Variants in ANKS1B observed in about 807,000 individuals in gnomAD.
The protein encoded by ANKS1B is ankyrin repeat and sterile alpha motif domain containing 1B.
In ANKS1B, 36 loss-of-function variants were observed where a neutral mutation model predicts 148.3. That is an observed-to-expected ratio of 0.24 (90% CI 0.19 to 0.32). The LOEUF (loss-of-function observed/expected upper bound fraction) is 0.32, where lower values mean the gene tolerates loss of function less well. Ranked by LOEUF, ANKS1B falls within the 10% of genes least tolerant of loss-of-function variation. ANKS1B has a pLI of 1.00. For missense variants in ANKS1B, 1,157 were observed against 1,542.6 expected (o/e 0.75, Z 4.19); for synonymous variants, 542 against 560.8 (o/e 0.97, Z 0.47).
At chr12:99,359,917 G>C (rs2092341216) in intron 12 of ANKS1B, among the ~76,000 whole-genome samples, 1 of 151,932 alleles carries the variant, frequency 6.6e-6, no homozygotes, top group Non-Finnish European at 1.5e-5. Flanking sequence ...CCATGGTTTT[G>C]GTAAAGTGTT....
intron 8 of ANKS1B, among the ~76,000 whole-genome samples, chr12:99,717,092 ACT>A (rs942580436): frequency 6.6e-6 from 1 of 151,946 alleles, no homozygotes; most frequent in Non-Finnish European, 1.5e-5. Context: ...AAATATAAAA[ACT>A]CAGCCCAGTT....
intron 1 of ANKS1B, among the ~76,000 whole-genome samples, chr12:99,881,255 T>C (rs757622748): frequency 6.6e-6 from 1 of 152,154 alleles, no homozygotes; most frequent in African/African-American, 2.4e-5. Flanking sequence ...ATTCCAGGTT[T>C]TTCTCTTATA....
chr12:98,797,847 C>T (rs991701540), intron 22 of ANKS1B, among the ~76,000 whole-genome samples: 1 of 152,084 alleles, frequency 6.6e-6, no homozygotes, highest in African/African-American at 2.4e-5. Context: ...AAATAAACAA[C>T]AAGGTATATT....
intron 8 of ANKS1B, among the ~76,000 whole-genome samples, chr12:99,727,127 A>C (rs950579491): frequency 1.3e-5 from 2 of 152,194 alleles, no homozygotes; most frequent in African/African-American, 4.8e-5. Flanking sequence ...ATAATATTGG[A>C]AATTCTGGCC....
At chr12:98,900,038 G>A (rs1205998081) in intron 17 of ANKS1B, among the ~76,000 whole-genome samples, 1 of 152,158 alleles carries the variant, frequency 6.6e-6, no homozygotes, top group Non-Finnish European at 1.5e-5. Flanking sequence ...AGCTATGTAG[G>A]GGAATTATGC....
chr12:99,169,778 A>T (rs1404745414), intron 14 of ANKS1B, among the ~76,000 whole-genome samples: 1 of 152,146 alleles, frequency 6.6e-6, no homozygotes. Context: ...TTTTATAGGG[A>T]ATGAAAATAA....
intron 17 of ANKS1B, among the ~76,000 whole-genome samples, chr12:98,847,714 G>A (rs759288721): frequency 4.6e-5 from 7 of 152,146 alleles, no homozygotes; most frequent in Non-Finnish European, 7.4e-5. Context: ...TCCTGCTTCA[G>A]CCTTCTGAGC....
At chr12:99,723,000 CCA>C (rs1303502740) in intron 8 of ANKS1B, among the ~76,000 whole-genome samples, 1 of 152,192 alleles carries the variant, frequency 6.6e-6, no homozygotes, top group East Asian at 1.9e-4. Context: ...CATGCTTTTT[CCA>C]CAGACTGTGC....
At chr12:99,631,411 A>G (rs1051433092) in intron 9 of ANKS1B, among the ~76,000 whole-genome samples, 1 of 152,152 alleles carries the variant, frequency 6.6e-6, no homozygotes, top group East Asian at 1.9e-4. Context: ...AAGAATTTGG[A>G]GGAGCAGGCT....
At chr12:99,789,421 C>A (rs909537717) in intron 4 of ANKS1B, among the ~76,000 whole-genome samples, 2 of 152,000 alleles carry the variant, frequency 1.3e-5, no homozygotes, top group Non-Finnish European at 2.9e-5. Flanking sequence ...AACATCAAGA[C>A]CATCCAAGAA....
chr12:99,493,076 C>T (rs768301335), intron 10 of ANKS1B, among the ~76,000 whole-genome samples: 3 of 152,132 alleles, frequency 2.0e-5, no homozygotes, highest in Non-Finnish European at 2.9e-5. Flanking sequence ...GGCATCCAAA[C>T]AGAAATAGAG....
chr12:99,727,770 T>C (rs1214551736), intron 8 of ANKS1B, among the ~76,000 whole-genome samples: 1 of 152,144 alleles, frequency 6.6e-6, no homozygotes, highest in Non-Finnish European at 1.5e-5. Context: ...CAAAACAGCA[T>C]GGTACTGGTA....
intron 14 of ANKS1B, among the ~76,000 whole-genome samples, chr12:99,160,383 C>T (rs140287380): frequency 0.066 from 10,040 of 151,360 alleles, 905 homozygotes; most frequent in African/African-American, 0.21. Flanking sequence ...CTGTCACCCA[C>T]GCTGGAGTGC....
intron 17 of ANKS1B, among the ~76,000 whole-genome samples, chr12:98,939,057 C>G (rs2099829417): frequency 6.6e-6 from 1 of 152,290 alleles, no homozygotes; most frequent in African/African-American, 2.4e-5. Flanking sequence ...GAGACTGTTA[C>G]AGATAGCTGA....
intron 10 of ANKS1B, among the ~76,000 whole-genome samples, chr12:99,496,690 G>A (rs892480669): frequency 1.3e-5 from 2 of 151,692 alleles, no homozygotes; most frequent in African/African-American, 4.9e-5. Context: ...CTAATAAGTT[G>A]CTTTTATTTA....
chr12:99,343,905 T>C (rs1357856656), intron 12 of ANKS1B: 4 of 152,036 alleles, frequency 2.6e-5, no homozygotes, highest in African/African-American at 7.2e-5. Flanking sequence ...GAGCATTTGA[T>C]ACTATTAACC....
chr12:99,102,516 G>C (rs1426937100), intron 15 of ANKS1B, among the ~76,000 whole-genome samples: 8 of 152,150 alleles, frequency 5.3e-5, no homozygotes, highest in African/African-American at 1.9e-4. Context: ...GGCTAAGATA[G>C]GCAGATTGCT....
At chr12:99,573,164 C>T (rs1412426023) in intron 9 of ANKS1B, among the ~76,000 whole-genome samples, 2 of 152,038 alleles carry the variant, frequency 1.3e-5, no homozygotes, top group East Asian at 1.9e-4. Context: ...AGGCCACAAA[C>T]AGATTTTCAG....
At position 99,632,764 on chromosome 12, in the gene ANKS1B, TATA is replaced by T. The variant is rs1567523108; in HGVS notation, c.1272+22300_1272+22302del. Among the ~76,000 whole-genome samples, 33 of 87,802 alleles carry T rather than the reference TATA, an allele frequency of 3.8e-4. 1 individual carries two copies. Among genetic ancestry groups the T allele is most frequent in the Non-Finnish European group, 5.1e-4 (21 of 41,332 alleles). 57.6% of individuals were successfully genotyped at this position (87,802 alleles called of 152,430 possible). On this transcript the variant is annotated intron_variant, in intron 9 of 26. Transcript: ENST00000683438. ...ATATATATATATATATATATATATA[TATA>T]TTTTAATTATACTTTAAGTTCTAGG...
Sources: gnomAD v4.1 joint callset for allele counts (sites outside exome capture counted in the v4.1 genomes callset) on GRCh38, gnomAD v4.1.1 for gene constraint, MANE v1.5 for transcripts, NCBI Gene and HGNC (gene_info 2026-07-23, HGNC 2026-07-21) for gene names.